Variants in OR56A3 observed in about 807,000 individuals in gnomAD.
OR56A3 encodes the protein olfactory receptor 56A3.
Under a neutral mutation model 17.5 loss-of-function variants are expected in OR56A3, and 23 were observed. The ratio of observed to expected loss-of-function variants is 1.32; its 90% CI spans 0.95 to 1.87. OR56A3 has a LOEUF of 1.87. OR56A3 is among the 40% of genes most tolerant of loss of function. The probability of loss-of-function intolerance (pLI) is 0.00; values close to 1 mark genes in which losing one functional copy is unlikely to be tolerated. For synonymous variants in OR56A3, 175 were observed against 150.6 expected, an observed-to-expected ratio of 1.16 and a Z score of -1.19; for missense variants, 366 against 380.1, an observed-to-expected ratio of 0.96 and a Z score of 0.31.
Position 5,947,894 on chromosome 11 carries a change from GT to G in OR56A3, c.549del (p.Cys183TrpfsTer29), listed in dbSNP as rs1847882495. ...CGRNVIENCI[C>X]ANMSVSRLSC... ...AGAAATGTCATTGAGAACTGCATCT[GT>G]GCCAATATGTCTGTTTCCAGACTCT... is the stretch of plus-strand genomic sequence containing the variant. On this transcript the variant is annotated frameshift_variant, in exon 3 of 3. Coordinates refer to ENST00000641160, the MANE Select transcript of OR56A3 (RefSeq NM_001003443.3). LOFTEE classifies it high-confidence loss of function. 6.2e-7 allele frequency: 1 copy of G among 1,614,092 alleles called. No homozygotes were observed. Among genetic ancestry groups the G allele is most frequent in the African/African-American group, 1.3e-5 (1 of 74,932 alleles).
At chr11:5,958,724 G>A in the OR56A3 span, among the ~76,000 whole-genome samples, 13 of 151,988 alleles carry the variant, frequency 8.6e-5, no homozygotes, top group Admixed American at 7.2e-4. Context: ...TAGATCTCTT[G>A]GACTTATTTT....
the OR56A3 span, among the ~76,000 whole-genome samples, chr11:5,992,402 G>T: frequency 6.0e-3 from 920 of 152,160 alleles, 6 homozygotes; most frequent in South Asian, 0.018. Flanking sequence ...GGTCCCACTG[G>T]GTTAGCTGAG....
At chr11:5,974,270 C>G in the OR56A3 span, among the ~76,000 whole-genome samples, 3 of 152,070 alleles carry the variant, frequency 2.0e-5, no homozygotes, top group Non-Finnish European at 4.4e-5. Flanking sequence ...CCACGCCTGG[C>G]TAATTTTTGT....
chr11:5,960,115 G>T, the OR56A3 span, among the ~76,000 whole-genome samples: 2 of 152,028 alleles, frequency 1.3e-5, no homozygotes, highest in Non-Finnish European at 2.9e-5. Flanking sequence ...CTTCATTTTT[G>T]TTTTCTTTCT....
chr11:5,971,539 A>AC, the OR56A3 span, among the ~76,000 whole-genome samples: 2 of 152,158 alleles, frequency 1.3e-5, no homozygotes, highest in African/African-American at 4.8e-5. Flanking sequence ...CCTGGATTTT[A>AC]CTAAGAAGAC....
chr11:6,015,496 T>G, the OR56A3 span, among the ~76,000 whole-genome samples: 15 of 152,320 alleles, frequency 9.8e-5, no homozygotes, highest in African/African-American at 3.6e-4. Flanking sequence ...GATTCTGGTA[T>G]TCTAGGGCTG....
chr11:5,987,136 A>G, the OR56A3 span, among the ~76,000 whole-genome samples: 1 of 152,254 alleles, frequency 6.6e-6, no homozygotes, highest in Non-Finnish European at 1.5e-5. Flanking sequence ...AGATAAGAGT[A>G]AACATAAGCT....
chr11:6,002,246 G>A, the OR56A3 span: 143 of 1,614,010 alleles, frequency 8.9e-5, no homozygotes, highest in Non-Finnish European at 1.2e-4. Context: ...AGAGGATGAG[G>A]ATGAAGTGGG....
chr11:5,960,723 G>A, the OR56A3 span, among the ~76,000 whole-genome samples: 11 of 150,858 alleles, frequency 7.3e-5, no homozygotes, highest in South Asian at 4.2e-4. Context: ...GCTGCCCATC[G>A]TCTGGGATGT....
At position 5,948,215 on chromosome 11, in the gene OR56A3, C is replaced by T. The variant is rs750872985; in HGVS notation, c.869C>T (p.Ala290Val). The T allele has an allele frequency of 1.9e-6, 3 of 1,614,120 alleles. No homozygotes were observed. Among genetic ancestry groups the T allele is most frequent in the Non-Finnish European group, 2.5e-6 (3 of 1,180,044 alleles). Reference sequence around the variant, plus strand: ...GTTCTCCACCATGTCATTCCTGCAGCCCTTAACCCCATCATTTACGGGGTG... The same window carrying T: ...GTTCTCCACCATGTCATTCCTGCAGTCCTTAACCCCATCATTTACGGGGTG... ...LNVLHHVIPA[A>V]LNPIIYGVRT... The change falls in exon 3 of 3, where the codon GCC becomes GTC. Residue 290 changes from alanine to valine, a missense_variant. Coordinates refer to ENST00000641160, the MANE Select transcript of OR56A3 (RefSeq NM_001003443.3).
the OR56A3 span, among the ~76,000 whole-genome samples, chr11:5,983,990 G>C: frequency 1.3e-5 from 2 of 152,174 alleles, no homozygotes; most frequent in African/African-American, 2.4e-5. Context: ...TTCCGCTAAG[G>C]TTCCATTTAT....
At chr11:5,994,767 A>G in the OR56A3 span, 1 of 761,526 alleles carries the variant, frequency 1.3e-6, no homozygotes, top group East Asian at 2.5e-5. Flanking sequence ...TGGTCCTCAA[A>G]GGTCTTGAAG....
the OR56A3 span, among the ~76,000 whole-genome samples, chr11:5,969,554 C>T: frequency 6.6e-6 from 1 of 152,196 alleles, no homozygotes; most frequent in African/African-American, 2.4e-5. Context: ...TTCACCTTGA[C>T]CTTTTTAGGA....
the OR56A3 span, among the ~76,000 whole-genome samples, chr11:6,016,425 G>A: frequency 1.3e-5 from 2 of 152,112 alleles, no homozygotes; most frequent in African/African-American, 4.8e-5. Flanking sequence ...CTCCTAGGGA[G>A]ACTACACTAC....
chr11:6,009,624 T>C, the OR56A3 span, among the ~76,000 whole-genome samples: 55 of 152,344 alleles, frequency 3.6e-4, no homozygotes, highest in African/African-American at 1.2e-3. Context: ...TGTTAAGAAT[T>C]GCATTGTCTG....
the OR56A3 span, among the ~76,000 whole-genome samples, chr11:5,991,642 G>A: frequency 6.6e-6 from 1 of 152,298 alleles, no homozygotes; most frequent in East Asian, 1.9e-4. Context: ...CCTGTCACAA[G>A]GGCTCTGAGA....
At chr11:5,953,889 T>TG (rs990988923), downstream of OR56A3, among the ~76,000 whole-genome samples, 7 of 151,960 alleles carry the variant, frequency 4.6e-5, no homozygotes, top group East Asian at 1.9e-4. Flanking sequence ...TTGTGAGAGA[T>TG]GGGGGGGACT....
the OR56A3 span, chr11:6,002,542 C>T: frequency 6.2e-7 from 1 of 1,614,204 alleles, no homozygotes; most frequent in African/African-American, 1.3e-5. Flanking sequence ...CGGGCTATAA[C>T]AAAGACCACG....
chr11:5,954,082 A>G (rs1202300972), downstream of OR56A3, among the ~76,000 whole-genome samples: 2 of 152,188 alleles, frequency 1.3e-5, no homozygotes, highest in African/African-American at 4.8e-5. Flanking sequence ...ACCAAAGCTT[A>G]CTCATTAAAG....
Sources: gnomAD v4.1 joint callset for allele counts (sites outside exome capture counted in the v4.1 genomes callset) on GRCh38, gnomAD v4.1.1 for gene constraint, MANE v1.5 for transcripts, NCBI Gene and HGNC (gene_info 2026-07-23, HGNC 2026-07-21) for gene names.